Variants in ITGB6 observed in about 807,000 individuals in gnomAD.
The protein encoded by ITGB6 is integrin subunit beta 6, also known as integrin beta-6.
A neutral mutation model predicts 84.5 loss-of-function variants in ITGB6; 80 were observed. The observed-to-expected ratio is 0.95, with a 90% confidence interval of 0.79 to 1.14. ITGB6 has a LOEUF of 1.14. ITGB6 is among the 50% of genes most tolerant of loss of function. The pLI, the probability that ITGB6 is intolerant of heterozygous loss-of-function variation, is 0.00. For synonymous variants in ITGB6, 383 were observed against 354.9 expected, an observed-to-expected ratio of 1.08 and a Z score of -0.89; for missense variants, 1,006 against 968.0, an observed-to-expected ratio of 1.04 and a Z score of -0.52.
At position 160,101,369 on chromosome 2, in the gene ITGB6, G is replaced by T; in HGVS notation, c.*367C>A. On this transcript the variant is annotated 3_prime_UTR_variant, in exon 15 of 15. Coordinates refer to ENST00000283249, the MANE Select transcript of ITGB6 (RefSeq NM_000888.5). Reference sequence around the variant, plus strand: ...CACAATGTGAGTATATGGGCTTTGTGACTTTGCCGAGACAAAAAACTCAGG... The same window carrying T: ...CACAATGTGAGTATATGGGCTTTGTTACTTTGCCGAGACAAAAAACTCAGG... 4.0e-6 allele frequency: 1 copy of T among 251,100 alleles called. No individual in the cohort carries two copies. The highest frequency in any genetic ancestry group is 4.8e-5 in the South Asian group (1 of 20,680). 15.6% of individuals were successfully genotyped at this position (251,100 alleles called of 1,614,324 possible). A position where few individuals can be genotyped will look rare whatever the true frequency, so the allele number is the denominator to read the frequency against.
chr2:160,142,994 T>A (rs1248733601), intron 7 of ITGB6, among the ~76,000 whole-genome samples: 1 of 152,238 alleles, frequency 6.6e-6, no homozygotes, highest in Non-Finnish European at 1.5e-5. Context: ...TTATCAATAT[T>A]AACTACAGTT....
chr2:160,123,034 C>G (rs1388765581), intron 12 of ITGB6, among the ~76,000 whole-genome samples: 1 of 152,214 alleles, frequency 6.6e-6, no homozygotes, highest in Non-Finnish European at 1.5e-5. Context: ...CAGGTTGTCT[C>G]TGTTGGAAGA....
chr2:160,171,924 T>C (rs1005885464), intron 6 of ITGB6, among the ~76,000 whole-genome samples: 8 of 152,144 alleles, frequency 5.3e-5, no homozygotes, highest in African/African-American at 1.7e-4. Flanking sequence ...GAAGGAAGGA[T>C]ATTCCAGGCA....
intron 7 of ITGB6, 93 bp from the exon 8 acceptor site, chr2:160,142,164 T>C (rs1684024757): frequency 2.8e-6 from 2 of 720,908 alleles, no homozygotes; most frequent in African/African-American, 3.7e-5. Flanking sequence ...TTGCCTCTAT[T>C]TAACTGGCCA....
At chr2:160,176,313 A>T (rs1183591157) in intron 4 of ITGB6, among the ~76,000 whole-genome samples, 1 of 152,196 alleles carries the variant, frequency 6.6e-6, no homozygotes, top group Non-Finnish European at 1.5e-5. Flanking sequence ...GATGTGGCCC[A>T]CACTGGCCTC....
intron 4 of ITGB6, among the ~76,000 whole-genome samples, chr2:160,186,492 C>T (rs746641997): frequency 6.6e-6 from 1 of 152,008 alleles, no homozygotes; most frequent in Non-Finnish European, 1.5e-5. Flanking sequence ...TGTGGAGAAA[C>T]AGAAATGCTT....
chr2:160,157,748 CAAAAAA>C (rs11364475), intron 7 of ITGB6, among the ~76,000 whole-genome samples: 6 of 84,144 alleles, frequency 7.1e-5, no homozygotes, highest in African/African-American at 9.4e-5. Context: ...AGCACAGAGG[CAAAAAA>C]AAAAAAAAAA....
At chr2:160,174,620 T>C (rs189490077) in intron 4 of ITGB6, among the ~76,000 whole-genome samples, 15 of 152,292 alleles carry the variant, frequency 9.8e-5, no homozygotes, top group African/African-American at 3.1e-4. Flanking sequence ...GGCCCAACAA[T>C]TGTAGCAGCA....
intron 9 of ITGB6, 89 bp from the exon 10 acceptor site, chr2:160,137,940 C>G (rs1254956924): frequency 2.0e-6 from 3 of 1,534,348 alleles, no homozygotes; most frequent in Non-Finnish European, 2.6e-6. Context: ...TTGCCAAAAG[C>G]ATTTACTAGA....
At chr2:160,192,931 A>G (rs1269788417) in intron 4 of ITGB6, among the ~76,000 whole-genome samples, 3 of 152,158 alleles carry the variant, frequency 2.0e-5, no homozygotes, top group African/African-American at 7.2e-5. Flanking sequence ...TAAAGCTACA[A>G]TGAGATGCTA....
At chr2:160,190,685 A>G (rs1686109421) in intron 4 of ITGB6, among the ~76,000 whole-genome samples, 1 of 152,244 alleles carries the variant, frequency 6.6e-6, no homozygotes, top group Non-Finnish European at 1.5e-5. Context: ...GCATGAATAA[A>G]GTACAGTCAA....
chr2:160,108,681 C>A (rs1169605769), intron 13 of ITGB6, among the ~76,000 whole-genome samples: 2 of 152,202 alleles, frequency 1.3e-5, no homozygotes, highest in East Asian at 3.8e-4. Flanking sequence ...GGATAAGCCA[C>A]CGATTCTGTG....
intron 6 of ITGB6, among the ~76,000 whole-genome samples, chr2:160,172,243 G>A (rs1056394519): frequency 6.6e-6 from 1 of 152,176 alleles, no homozygotes; most frequent in Admixed American, 6.5e-5. Flanking sequence ...TTCTGGTCTG[G>A]GTCCCTCCTT....
At chr2:160,170,358 A>G (rs548019286) in intron 6 of ITGB6, among the ~76,000 whole-genome samples, 13 of 152,252 alleles carry the variant, frequency 8.5e-5, no homozygotes, top group Admixed American at 2.0e-4. Flanking sequence ...GCAAATGGCT[A>G]TGTCATATGT....
intron 13 of ITGB6, among the ~76,000 whole-genome samples, chr2:160,111,832 G>A (rs1433310768): frequency 5.3e-5 from 8 of 151,860 alleles, no homozygotes; most frequent in Non-Finnish European, 1.2e-4. Context: ...CACCCTCCTC[G>A]GCCTCCCAAA....
At chr2:160,111,418 C>G (rs1682506936) in intron 13 of ITGB6, among the ~76,000 whole-genome samples, 1 of 151,978 alleles carries the variant, frequency 6.6e-6, no homozygotes, top group Non-Finnish European at 1.5e-5. Flanking sequence ...CCTTATGTTT[C>G]CCTAATGAAC....
intron 7 of ITGB6, among the ~76,000 whole-genome samples, chr2:160,166,678 A>T (rs1257192106): frequency 6.6e-6 from 1 of 152,198 alleles, no homozygotes; most frequent in Non-Finnish European, 1.5e-5. Context: ...CCCACTGCTC[A>T]GTCTATTATC....
intron 7 of ITGB6, among the ~76,000 whole-genome samples, chr2:160,146,178 C>T (rs756854372): frequency 3.9e-5 from 6 of 152,032 alleles, no homozygotes; most frequent in Admixed American, 2.0e-4. Context: ...TATCAGCTAG[C>T]GGCAATTTTT....
chr2:160,183,415 G>T (rs964889590), intron 4 of ITGB6, among the ~76,000 whole-genome samples: 3 of 151,960 alleles, frequency 2.0e-5, no homozygotes, highest in African/African-American at 7.3e-5. Flanking sequence ...AATGGTAAAG[G>T]GATCAACACA....
Sources: gnomAD v4.1 joint callset for allele counts (sites outside exome capture counted in the v4.1 genomes callset) on GRCh38, gnomAD v4.1.1 for gene constraint, MANE v1.5 for transcripts, NCBI Gene and HGNC (gene_info 2026-07-23, HGNC 2026-07-21) for gene names.